Variants in KCNH7 observed in about 807,000 individuals in gnomAD.
KCNH7 encodes voltage-gated inwardly rectifying potassium channel KCNH7.
A neutral mutation model predicts 120.8 loss-of-function variants in KCNH7; 49 were observed. That is an observed-to-expected ratio of 0.41 (90% CI 0.32 to 0.51). The LOEUF is 0.51. KCNH7 is among the 20% of genes least tolerant of loss of function. The probability of loss-of-function intolerance (pLI) is 0.38; values close to 1 mark genes in which losing one functional copy is unlikely to be tolerated. For missense variants in KCNH7, 1,097 were observed against 1,446.6 expected (o/e 0.76, Z 3.92); for synonymous variants, 547 against 516.1 (o/e 1.06, Z -0.81).
At chr2:162,835,901 A>T (rs1685647863) in intron 2 of KCNH7, among the ~76,000 whole-genome samples, 2 of 151,976 alleles carry the variant, frequency 1.3e-5, no homozygotes, top group Admixed American at 1.3e-4. Flanking sequence ...ATCAATACTA[A>T]TAACTCCACA....
intron 9 of KCNH7, among the ~76,000 whole-genome samples, chr2:162,400,839 A>G (rs1687045617): frequency 6.6e-6 from 1 of 151,938 alleles, no homozygotes; most frequent in South Asian, 2.1e-4. Context: ...TTTTGAAAGA[A>G]TCTCAAGTCA....
chr2:162,761,425 G>C (rs1419599994), intron 2 of KCNH7, among the ~76,000 whole-genome samples: 1 of 152,102 alleles, frequency 6.6e-6, no homozygotes, highest in African/African-American at 2.4e-5. Context: ...AGTTGTTCAA[G>C]TTGTTTTCAA....
chr2:162,388,173 T>C (rs1686632637), intron 12 of KCNH7, among the ~76,000 whole-genome samples: 1 of 151,718 alleles, frequency 6.6e-6, no homozygotes, highest in Non-Finnish European at 1.5e-5. Flanking sequence ...TTTATACAAA[T>C]ACAAAAATTA....
chr2:162,496,840 GAA>G (rs1018746309), intron 6 of KCNH7: 4 of 152,226 alleles, frequency 2.6e-5, no homozygotes, highest in Admixed American at 2.0e-4. Flanking sequence ...TGTTGTATCT[GAA>G]AGACTTTTCA....
intron 8 of KCNH7, 89 bp from the exon 9 acceptor site, chr2:162,423,624 A>C: frequency 8.5e-7 from 1 of 1,175,654 alleles, no homozygotes; most frequent in Non-Finnish European, 1.2e-6. Context: ...GATTTTGATT[A>C]TCTCAATCTA....
intron 2 of KCNH7, among the ~76,000 whole-genome samples, chr2:162,778,369 G>A (rs1435838054): frequency 6.6e-6 from 1 of 152,066 alleles, no homozygotes; most frequent in Non-Finnish European, 1.5e-5. Context: ...AGGCAGATGG[G>A]AGAGTCTCCA....
chr2:162,618,991 T>C (rs1002953288), intron 2 of KCNH7, among the ~76,000 whole-genome samples: 1 of 152,168 alleles, frequency 6.6e-6, no homozygotes, highest in Non-Finnish European at 1.5e-5. Context: ...ATTACTCCTC[T>C]AGACTCAGAG....
chr2:162,469,183 T>TA lies in KCNH7; in HGVS notation c.1129-22741_1129-22740insT, dbSNP rs1327220472. Among the ~76,000 whole-genome samples the TA allele has an allele frequency of 8.2e-3, 1,242 of 152,314 alleles. 18 individuals carry two copies. The highest frequency in any genetic ancestry group is 0.028 in the African/African-American group (1,184 of 41,560). On this transcript the variant is annotated intron_variant, in intron 6 of 15. Coordinates refer to ENST00000332142, the MANE Select transcript of KCNH7 (RefSeq NM_033272.4). ...GTACATTTGAAAAGTTAAGGTGGTA[T>TA]GTAATAGCTAAATACTGTTATGAAA...
At position 162,384,936 on chromosome 2, in the gene KCNH7, T is replaced by C; in HGVS notation, c.2714A>G (p.Asn905Ser). The stretch of plus-strand genomic sequence containing the variant: ...AGAGTCTTCAGGATCATTTGTACTG[T>C]TTTCTTTGCCAAAATATATCAAAGA... Reference protein sequence around the residue: ...LSFESEGEKENSTNDPEDSAD... With the variant: ...LSFESEGEKESSTNDPEDSAD... The change falls in exon 13 of 16, where the codon AAC (asparagine) becomes AGC (serine). Residue 905 changes from asparagine to serine, a missense_variant. Coordinates refer to ENST00000332142, the MANE Select transcript of KCNH7 (RefSeq NM_033272.4). The C allele has an allele frequency of 6.3e-7, 1 of 1,596,080 alleles. No individual in the cohort carries two copies. The highest frequency in any genetic ancestry group is 1.1e-5 in the South Asian group (1 of 87,518).
At chr2:162,801,874 C>T (rs1684361800) in intron 2 of KCNH7, among the ~76,000 whole-genome samples, 1 of 151,724 alleles carries the variant, frequency 6.6e-6, no homozygotes, top group Non-Finnish European at 1.5e-5. Context: ...TTCCTTACAG[C>T]CTCAGTACAT....
chr2:162,386,097 T>C (rs1686562779), intron 12 of KCNH7, among the ~76,000 whole-genome samples: 1 of 151,890 alleles, frequency 6.6e-6, no homozygotes. Flanking sequence ...GATTTCACAC[T>C]TGCTCAGTGA....
At chr2:162,583,795 C>T (rs977042176) in intron 2 of KCNH7, among the ~76,000 whole-genome samples, 2 of 152,062 alleles carry the variant, frequency 1.3e-5, no homozygotes, top group Admixed American at 6.6e-5. Flanking sequence ...AAGAATAGGG[C>T]ACTAATGTCT....
chr2:162,801,893 C>T (rs1684363320), intron 2 of KCNH7, among the ~76,000 whole-genome samples: 1 of 151,628 alleles, frequency 6.6e-6, no homozygotes, highest in East Asian at 1.9e-4. Flanking sequence ...ATCATTATGG[C>T]CCTGGAGTTT....
At chr2:162,617,989 C>T (rs564419558) in intron 2 of KCNH7, among the ~76,000 whole-genome samples, 1 of 151,442 alleles carries the variant, frequency 6.6e-6, no homozygotes, top group Admixed American at 6.6e-5. Flanking sequence ...ATTTAGGGAG[C>T]TTTTTAACAT....
chr2:162,411,617 A>G (rs931195718), intron 9 of KCNH7, among the ~76,000 whole-genome samples: 2 of 152,070 alleles, frequency 1.3e-5, no homozygotes, highest in African/African-American at 4.8e-5. Context: ...AGTGGAAGAA[A>G]GAAAAAATTT....
At chr2:162,513,354 C>CTCCT in intron 4 of KCNH7, among the ~76,000 whole-genome samples, 1 of 72,896 alleles carries the variant, frequency 1.4e-5, no homozygotes. Context: ...TCCTTCCCTC[C>CTCCT]TTCTTTCCTT....
At chr2:162,629,922 T>C (rs186432798) in intron 2 of KCNH7, among the ~76,000 whole-genome samples, 1 of 152,280 alleles carries the variant, frequency 6.6e-6, no homozygotes, top group East Asian at 1.9e-4. Context: ...GATTACATTA[T>C]AATTGGACAT....
intron 2 of KCNH7, among the ~76,000 whole-genome samples, chr2:162,660,588 T>G (rs1684923555): frequency 1.3e-5 from 2 of 152,224 alleles, no homozygotes; most frequent in South Asian, 4.1e-4. Context: ...CTGCTGTTGT[T>G]GAATAAGTAT....
intron 8 of KCNH7, among the ~76,000 whole-genome samples, chr2:162,425,225 A>G (rs189128020): frequency 5.7e-4 from 87 of 152,192 alleles, no homozygotes; most frequent in African/African-American, 1.8e-3. Context: ...TTCAGCCTCT[A>G]TAACTGTGCG....
Sources: allele counts gnomAD v4.1 joint callset (sites outside exome capture counted in the v4.1 genomes callset), GRCh38; gene constraint gnomAD v4.1.1; transcripts MANE v1.5; gene names NCBI Gene and HGNC (gene_info 2026-07-23, HGNC 2026-07-21).